The following PLEKHA6 variants were observed in gnomAD, a reference collection of about 807,000 sequenced individuals.
PLEKHA6 encodes the protein pleckstrin homology domain containing A6.
Under a neutral mutation model 116.7 loss-of-function variants are expected in PLEKHA6, and 60 were observed. The observed-to-expected ratio is 0.51, with a 90% CI of 0.42 to 0.64. The LOEUF (loss-of-function observed/expected upper bound fraction) is 0.64, where lower values mean the gene tolerates loss of function less well. PLEKHA6 is among the 30% of genes least tolerant of loss of function. The pLI is 0.00. For missense variants in PLEKHA6, 1,338 were observed against 1,422.7 expected, an observed-to-expected ratio of 0.94 and a Z score of 0.96; for synonymous variants, 489 against 556.1, an observed-to-expected ratio of 0.88 and a Z score of 1.70.
intron 1 of PLEKHA6, among the ~76,000 whole-genome samples, chr1:204,307,650 G>T (rs997651841): frequency 6.6e-6 from 1 of 152,250 alleles, no homozygotes; most frequent in Admixed American, 6.5e-5. Context: ...AGTTCCTCGG[G>T]TCTGATGGCT....
At chr1:204,270,192 T>C (rs1667302032) in intron 3 of PLEKHA6, among the ~76,000 whole-genome samples, 1 of 152,228 alleles carries the variant, frequency 6.6e-6, no homozygotes, top group South Asian at 2.1e-4. Flanking sequence ...TACCTCCATC[T>C]GTGGCCACTC....
intron 1 of PLEKHA6, among the ~76,000 whole-genome samples, chr1:204,325,120 A>G (rs1012259406): frequency 5.9e-5 from 9 of 152,056 alleles, no homozygotes; most frequent in South Asian, 2.1e-4. Context: ...AGTTACCCCA[A>G]TTGCATTTAG....
intron 1 of PLEKHA6, among the ~76,000 whole-genome samples, chr1:204,300,731 C>G (rs769285793): frequency 3.3e-5 from 5 of 152,342 alleles, no homozygotes; most frequent in Middle Eastern, 6.8e-3. Flanking sequence ...GCAGACAGAC[C>G]TGGATTGGAA....
intron 1 of PLEKHA6, among the ~76,000 whole-genome samples, chr1:204,341,833 G>A (rs969330099): frequency 2.6e-5 from 4 of 152,236 alleles, no homozygotes; most frequent in African/African-American, 9.6e-5. Context: ...TGAAATACAT[G>A]AGCTCAAGAG....
At chr1:204,329,849 G>C (rs1672384421) in intron 1 of PLEKHA6, among the ~76,000 whole-genome samples, 1 of 150,214 alleles carries the variant, frequency 6.7e-6, no homozygotes, top group South Asian at 2.1e-4. Context: ...GAGGCCAGGA[G>C]TTTGAGACCA....
intron 1 of PLEKHA6, chr1:204,311,722 T>G (rs1671665232): frequency 1.1e-6 from 1 of 912,926 alleles, no homozygotes; most frequent in Non-Finnish European, 1.3e-6. Flanking sequence ...TGAAATTGAA[T>G]ATAATTCCTT....
chr1:204,335,017 C>A (rs1293667835), intron 1 of PLEKHA6, among the ~76,000 whole-genome samples: 2 of 152,024 alleles, frequency 1.3e-5, no homozygotes, highest in Non-Finnish European at 2.9e-5. Flanking sequence ...AATTTATTCC[C>A]CTTGTCTAAC....
chr1:204,248,789 G>T (rs1467703891), intron 12 of PLEKHA6, 32 bp downstream of exon 12: 3 of 1,605,140 alleles, frequency 1.9e-6, no homozygotes, highest in Admixed American at 1.7e-5. Flanking sequence ...TGCTGATGAG[G>T]TGGGGTGCAC....
chr1:204,373,365 G>C (rs1302644095), intron 1 of PLEKHA6, among the ~76,000 whole-genome samples: 4 of 150,938 alleles, frequency 2.7e-5, no homozygotes, highest in African/African-American at 9.9e-5. Context: ...TTACAGGCGT[G>C]AGCCACTGCA....
chr1:204,248,650 C>T (rs1664112066), intron 12 of PLEKHA6, among the ~76,000 whole-genome samples, 171 bp downstream of exon 12: 1 of 152,180 alleles, frequency 6.6e-6, no homozygotes, highest in Admixed American at 6.5e-5. Flanking sequence ...GGCTGACTTG[C>T]TATTTATTTG....
At chr1:204,239,565 C>A (rs114318723) in intron 17 of PLEKHA6, among the ~76,000 whole-genome samples, 1,908 of 152,294 alleles carry the variant, frequency 0.013, 45 homozygotes, top group African/African-American at 0.043. Context: ...TCCACACAGC[C>A]TTGCCTCTGA....
chr1:204,369,351 G>A (rs577603748), intron 2 of PLEKHA6: 24 of 151,904 alleles, frequency 1.6e-4, no homozygotes, highest in African/African-American at 5.8e-4. Flanking sequence ...GAGTGCTGCT[G>A]TGCTGTCTCC....
intron 1 of PLEKHA6, among the ~76,000 whole-genome samples, chr1:204,351,857 TTTATTAAG>T (rs1572222136): frequency 6.6e-6 from 1 of 152,314 alleles, no homozygotes; most frequent in Non-Finnish European, 1.5e-5. Context: ...ATTTTTAACT[TTTATTAAG>T]TTATTAAGTT....
chr1:204,338,507 C>T (rs1320158396), intron 1 of PLEKHA6, among the ~76,000 whole-genome samples: 1 of 152,134 alleles, frequency 6.6e-6, no homozygotes, highest in African/African-American at 2.4e-5. Flanking sequence ...TTTATGGAAG[C>T]CCTTTTCTAT....
rs1349611630 is a variant in PLEKHA6 at position 204,223,847 on chromosome 1, C to A, written c.3032-262G>T. The stretch of plus-strand genomic sequence containing the variant: ...AGTGTGACTGTGGGTAAGGCCAGGC[C>A]ATCTCTGGGCAAAGGGCTCCCCTCC... On this transcript the variant is annotated intron_variant, in intron 21 of 22. Coordinates refer to ENST00000272203, the MANE Select transcript of PLEKHA6 (RefSeq NM_014935.5). The surrounding 1 kb of genome is among the most constrained non-coding windows in gnomAD (Gnocchi z 4.8). Among the ~76,000 whole-genome samples, 1 of 152,028 alleles carries A rather than the reference C, an allele frequency of 6.6e-6. No individual in the cohort carries two copies. The highest frequency in any genetic ancestry group is 1.5e-5 in the Non-Finnish European group (1 of 67,978).
At chr1:204,375,341 A>C (rs1290109871) in intron 1 of PLEKHA6, among the ~76,000 whole-genome samples, 5 of 151,808 alleles carry the variant, frequency 3.3e-5, no homozygotes, top group African/African-American at 9.7e-5. Context: ...TACTCCCCCT[A>C]ATATGCACTC....
chr1:204,360,872 G>GC (rs1192010876), upstream of PLEKHA6, among the ~76,000 whole-genome samples: 1 of 152,184 alleles, frequency 6.6e-6, no homozygotes. Flanking sequence ...CTCTGTTTCT[G>GC]CTTAGACAAA....
chr1:204,230,051 G>A lies in PLEKHA6; in HGVS notation c.2583+362C>T, dbSNP rs372797588. ...GTGAGCTATTATGATTATCTTCATC[G>A]CAGCCAGCCCAGTGCTAGGCACAGA... On this transcript the variant is annotated intron_variant, in intron 18 of 22. Transcript: ENST00000272203. Among the ~76,000 whole-genome samples the A allele has an allele frequency of 1.7e-4, 26 of 152,338 alleles. No homozygotes were observed. The East Asian group carries it at 1.9e-3, about 11-fold the overall frequency.
At chr1:204,344,419 G>A (rs937366966) in intron 1 of PLEKHA6, among the ~76,000 whole-genome samples, 2 of 152,020 alleles carry the variant, frequency 1.3e-5, no homozygotes, top group East Asian at 1.9e-4. Flanking sequence ...GGCCAACATG[G>A]TGAAACCCCG....
Sources: gnomAD v4.1 joint callset for allele counts (sites outside exome capture counted in the v4.1 genomes callset) on GRCh38, gnomAD v4.1.1 for gene constraint, Gnocchi (gnomAD v3.1) non-coding constraint, MANE v1.5 for transcripts, NCBI Gene and HGNC (gene_info 2026-07-23, HGNC 2026-07-21) for gene names.